The following GLCCI1 variants were observed in gnomAD, a reference collection of about 807,000 sequenced individuals.
GLCCI1 encodes glucocorticoid induced 1.
In GLCCI1, 24 loss-of-function variants were observed where a neutral mutation model predicts 52.2. The observed-to-expected ratio is 0.46, with a 90% CI of 0.33 to 0.65. The LOEUF is 0.65. Ranked by LOEUF, GLCCI1 falls within the 30% of genes least tolerant of loss-of-function variation. The pLI is 0.02. For synonymous variants in GLCCI1, 310 were observed against 276.5 expected, an observed-to-expected ratio of 1.12 and a Z score of -1.20; for missense variants, 704 against 701.5, an observed-to-expected ratio of 1.00 and a Z score of -0.04.
chr7:8,003,105 GA>G (rs1300465492), intron 1 of GLCCI1, among the ~76,000 whole-genome samples: 1 of 152,174 alleles, frequency 6.6e-6, no homozygotes, highest in Non-Finnish European at 1.5e-5. Flanking sequence ...AGTGAGTATT[GA>G]ATGTTGGTTC....
At chr7:7,993,090 C>T (rs1472566536) in intron 1 of GLCCI1, among the ~76,000 whole-genome samples, 1 of 152,084 alleles carries the variant, frequency 6.6e-6, no homozygotes, top group South Asian at 2.1e-4. Flanking sequence ...TTTCATTATT[C>T]ATAGGGACAT....
intron 5 of GLCCI1, among the ~76,000 whole-genome samples, chr7:8,064,386 C>T (rs921261219): frequency 3.3e-5 from 5 of 152,258 alleles, no homozygotes; most frequent in African/African-American, 7.2e-5. Context: ...TTATTTTTCT[C>T]GACTTTGTCA....
At chr7:7,985,989 G>C (rs1780719359) in intron 1 of GLCCI1, among the ~76,000 whole-genome samples, 1 of 152,142 alleles carries the variant, frequency 6.6e-6, no homozygotes. Flanking sequence ...TGTATGGCAA[G>C]TTAAAACAGA....
At chr7:8,000,128 A>G (rs1000492224) in intron 1 of GLCCI1, among the ~76,000 whole-genome samples, 2 of 152,206 alleles carry the variant, frequency 1.3e-5, no homozygotes, top group Non-Finnish European at 2.9e-5. Flanking sequence ...TTTAGAGGTC[A>G]ACTGATAAAT....
intron 1 of GLCCI1, among the ~76,000 whole-genome samples, chr7:7,976,553 A>G (rs1017058890): frequency 2.0e-5 from 3 of 151,300 alleles, no homozygotes; most frequent in African/African-American, 7.3e-5. Flanking sequence ...AGGAAAGGAA[A>G]ACTAGTAACC....
chr7:8,032,504 A>G (rs576943632), intron 3 of GLCCI1, among the ~76,000 whole-genome samples: 1 of 152,200 alleles, frequency 6.6e-6, no homozygotes, highest in South Asian at 2.1e-4. Flanking sequence ...ATTTAGCTAC[A>G]CTGACTAGAA....
At chr7:8,029,109 G>T (rs561795017) in intron 3 of GLCCI1, among the ~76,000 whole-genome samples, 5 of 152,240 alleles carry the variant, frequency 3.3e-5, no homozygotes, top group Admixed American at 2.6e-4. Context: ...TACAAGACTA[G>T]TATTACCCTG....
At chr7:8,085,163 G>T in intron 7 of GLCCI1, 146 bp downstream of exon 7, 1 of 866,978 alleles carries the variant, frequency 1.2e-6, no homozygotes, top group Non-Finnish European at 1.8e-6. Context: ...GAATAGGCAA[G>T]AGAGATCTTA....
At chr7:8,074,125 A>C (rs956975623) in intron 6 of GLCCI1, among the ~76,000 whole-genome samples, 23 of 152,194 alleles carry the variant, frequency 1.5e-4, no homozygotes, top group African/African-American at 5.5e-4. Flanking sequence ...ATTGTATGTC[A>C]GATATTGTAC....
At chr7:7,993,449 T>C (rs1583953956) in intron 1 of GLCCI1, among the ~76,000 whole-genome samples, 1 of 152,244 alleles carries the variant, frequency 6.6e-6, no homozygotes, top group Non-Finnish European at 1.5e-5. Flanking sequence ...TTGTTAGATT[T>C]GAGCATAGCC....
At chr7:8,072,349 A>C (rs919461525) in intron 6 of GLCCI1, among the ~76,000 whole-genome samples, 8 of 152,082 alleles carry the variant, frequency 5.3e-5, no homozygotes, top group Admixed American at 2.0e-4. Flanking sequence ...GGTAGATCTT[A>C]ACAGTTCTCC....
intron 2 of GLCCI1, among the ~76,000 whole-genome samples, chr7:8,009,872 C>G (rs989097165): frequency 1.3e-5 from 2 of 149,828 alleles, no homozygotes; most frequent in African/African-American, 4.9e-5. Context: ...TCAAAAGATT[C>G]AGTGTGGACG....
At chr7:7,977,809 C>T (rs1473968131) in intron 1 of GLCCI1, among the ~76,000 whole-genome samples, 1 of 152,172 alleles carries the variant, frequency 6.6e-6, no homozygotes, top group African/African-American at 2.4e-5. Flanking sequence ...AACCTCTTTT[C>T]ACAGATGAGG....
intron 6 of GLCCI1, among the ~76,000 whole-genome samples, chr7:8,074,996 T>A (rs1782846457): frequency 6.6e-6 from 1 of 152,176 alleles, no homozygotes; most frequent in African/African-American, 2.4e-5. Context: ...TAATGAGGGA[T>A]GTGCTGGTGA....
intron 6 of GLCCI1, among the ~76,000 whole-genome samples, chr7:8,080,693 A>C (rs1241502422): frequency 6.6e-6 from 1 of 150,376 alleles, no homozygotes; most frequent in Non-Finnish European, 1.5e-5. Flanking sequence ...GAGGGAGCAG[A>C]ATAGGCACTT....
rs1282758592 is a variant in GLCCI1 at position 7,969,584 on chromosome 7, C to G, written c.234C>G (p.His78Gln). 1 of 1,035,812 alleles carries G rather than the reference C, an allele frequency of 9.7e-7. No individual in the cohort carries two copies. 64.2% of individuals were successfully genotyped at this position (1,035,812 alleles called of 1,614,324 possible). A position where few individuals can be genotyped will look rare whatever the true frequency, so the allele number is the denominator to read the frequency against. ...ACCAGCTCTTGCGGGGCAGCCAGCA[C>G]AGTCCCACGCGTCCGCCCGTCGCCG... is the stretch of plus-strand genomic sequence containing the variant. ...VPYQLLRGSQHSPTRPPVAAA... is the reference protein window; with the variant it reads ...VPYQLLRGSQQSPTRPPVAAA... Residue 78 changes from histidine to glutamine, a missense_variant, in exon 1 of 8, where the codon CAC becomes CAG. By Grantham distance (24) the His-to-Gln change is conservative (BLOSUM62 0). Coordinates refer to ENST00000223145, the MANE Select transcript of GLCCI1 (RefSeq NM_138426.4). The surrounding 1 kb of genome is among the most constrained non-coding windows in gnomAD (Gnocchi z 4.9).
intron 5 of GLCCI1, among the ~76,000 whole-genome samples, 173 bp downstream of exon 5, chr7:8,060,421 A>G (rs1782488376): frequency 1.3e-5 from 2 of 152,210 alleles, no homozygotes; most frequent in African/African-American, 2.4e-5. Context: ...AACTGTCACC[A>G]CAATCAATTT....
intron 1 of GLCCI1, among the ~76,000 whole-genome samples, chr7:7,985,147 G>T (rs373586060): frequency 1.3e-5 from 2 of 151,966 alleles, no homozygotes; most frequent in Non-Finnish European, 2.9e-5. Context: ...ATGATTTTGT[G>T]TATATTTGTA....
At position 7,968,849 on chromosome 7, in the gene GLCCI1, T is replaced by C; in HGVS notation, c.-502T>C. ...GAAGCGGCGGCGGCGGCGGCGGCGT[T>C]TGCGGTGGCGCGGACTCCGAGGAGC... On this transcript the variant is annotated 5_prime_UTR_variant, in exon 1 of 8. Coordinates refer to ENST00000223145, the MANE Select transcript of GLCCI1 (RefSeq NM_138426.4). The C allele has an allele frequency of 6.4e-6, 1 of 155,836 alleles. No individual in the cohort carries two copies. The highest frequency in any genetic ancestry group is 6.7e-5 in the Admixed American group (1 of 14,844). The allele number at this position is 155,836 out of a possible 1,614,324, so 9.7% of individuals were successfully genotyped here. A position where few individuals can be genotyped will look rare whatever the true frequency, so the allele number is the denominator to read the frequency against.
Sources: gnomAD v4.1 joint callset for allele counts (sites outside exome capture counted in the v4.1 genomes callset) on GRCh38, gnomAD v4.1.1 for gene constraint, Gnocchi (gnomAD v3.1) non-coding constraint, MANE v1.5 for transcripts, NCBI Gene and HGNC (gene_info 2026-07-23, HGNC 2026-07-21) for gene names.